CASP6: variants seen among roughly 807,000 people sequenced by gnomAD.
CASP6 encodes the protein caspase 6, also known as caspase-6.
In CASP6, 20 loss-of-function variants were observed where a neutral mutation model predicts 31.8. That is an observed-to-expected ratio of 0.63 (90% CI 0.44 to 0.91). The LOEUF (loss-of-function observed/expected upper bound fraction) is 0.91. Ranked by LOEUF, CASP6 falls within the 40% of genes least tolerant of loss-of-function variation. The pLI, the probability that CASP6 is intolerant of heterozygous loss-of-function variation, is 0.00. For synonymous variants in CASP6, 130 were observed against 127.8 expected (o/e 1.02, Z -0.12); for missense variants, 328 against 361.1 (o/e 0.91, Z 0.74).
upstream of CASP6, among the ~76,000 whole-genome samples, chr4:109,706,130 T>TA (rs57933332): frequency 0.18 from 2,975 of 16,698 alleles, 350 homozygotes; most frequent in African/African-American, 0.36. Context: ...ACCTATCCAT[T>TA]TTATATATAT....
the CASP6 span, among the ~76,000 whole-genome samples, chr4:109,678,674 G>T: frequency 2.7e-5 from 4 of 148,312 alleles, no homozygotes; most frequent in African/African-American, 1.0e-4. Context: ...AGATGGGGCG[G>T]CCAGGCAGAG....
chr4:109,678,097 T>G, the CASP6 span, among the ~76,000 whole-genome samples: 797 of 152,080 alleles, frequency 5.2e-3, 3 homozygotes, highest in African/African-American at 0.018. Flanking sequence ...AACCCTGAGT[T>G]GACACAGCAC....
chr4:109,674,317 C>T, the CASP6 span, among the ~76,000 whole-genome samples: 4 of 152,178 alleles, frequency 2.6e-5, no homozygotes, highest in East Asian at 1.9e-4. Context: ...TTACTAACTC[C>T]GTCATTCAAG....
At chr4:109,684,615 T>C, downstream of CASP6, 2 of 1,570,280 alleles carry the variant, frequency 1.3e-6, no homozygotes, top group Non-Finnish European at 8.8e-7. Context: ...AATTCTATGG[T>C]CTTTTTTGCA....
downstream of CASP6, chr4:109,688,566 A>T (rs1253616071): frequency 2.6e-5 from 4 of 152,236 alleles, no homozygotes; most frequent in Non-Finnish European, 5.9e-5. Context: ...ATGACCGAGT[A>T]AAAAACATCT....
intron 1 of CASP6, among the ~76,000 whole-genome samples, chr4:109,701,428 C>T (rs1730417514): frequency 6.6e-6 from 1 of 151,222 alleles, no homozygotes. Context: ...TTCTTGACCT[C>T]TTTTCACTTT....
chr4:109,678,025 G>C, the CASP6 span, among the ~76,000 whole-genome samples: 111 of 151,946 alleles, frequency 7.3e-4, no homozygotes, highest in Middle Eastern at 0.014. Flanking sequence ...GACTCTTAAC[G>C]AGTATGCTGC....
the CASP6 span, among the ~76,000 whole-genome samples, chr4:109,681,193 G>T: frequency 6.6e-6 from 1 of 152,178 alleles, no homozygotes; most frequent in Non-Finnish European, 1.5e-5. Flanking sequence ...TCTCAAAGAG[G>T]TGGCTCTGAA....
At chr4:109,705,416 G>A (rs537806833), upstream of CASP6, among the ~76,000 whole-genome samples, 4 of 152,256 alleles carry the variant, frequency 2.6e-5, no homozygotes, top group South Asian at 2.1e-4. Flanking sequence ...TGCTGTTATC[G>A]TGCTTGCTAA....
At chr4:109,686,852 G>A (rs1026833844), downstream of CASP6, among the ~76,000 whole-genome samples, 2 of 151,962 alleles carry the variant, frequency 1.3e-5, no homozygotes, top group African/African-American at 4.8e-5. Flanking sequence ...ACTCCAGCCT[G>A]GGCAACAGAG....
At position 109,689,473 on chromosome 4, in the gene CASP6, C is replaced by T. The variant is rs1199030270; in HGVS notation, c.739G>A (p.Glu247Lys). ...TTCCTGTTCACCAGTGTGAGGAGTT[C>T]TGTGAACTCTAAGGAGGAGCCATAT... The part of the protein sequence containing the change: ...GKYGSSLEFT[E>K]LLTLVNRKVS... The change falls in exon 7 of 7, where the codon GAA becomes AAA. Residue 247 changes from glutamate (E) to lysine (K), a missense_variant. Coordinates refer to ENST00000265164, the MANE Select transcript of CASP6 (RefSeq NM_001226.4). 1.2e-6 allele frequency: 2 copies of T among 1,614,072 alleles called. No individual in the cohort carries two copies. Among genetic ancestry groups the T allele is most frequent in the Middle Eastern group, 1.6e-4 (1 of 6,084 alleles).
the CASP6 span, among the ~76,000 whole-genome samples, chr4:109,667,514 A>AT: frequency 4.9e-4 from 73 of 148,028 alleles, no homozygotes; most frequent in African/African-American, 1.7e-3. Flanking sequence ...AATTTAATTG[A>AT]TTTTTTCCAA....
chr4:109,682,788 G>A, the CASP6 span: 1 of 1,418,364 alleles, frequency 7.1e-7, no homozygotes, highest in Non-Finnish European at 9.8e-7. Context: ...AATACCTAGT[G>A]TTTATTGAGT....
chr4:109,698,233 T>A (rs568030038), intron 2 of CASP6, 67 bp downstream of exon 2: 2 of 1,522,390 alleles, frequency 1.3e-6, no homozygotes, highest in African/African-American at 2.8e-5. Flanking sequence ...ATTCTTGCTT[T>A]GATTTCTGTA....
chr4:109,679,361 G>C, the CASP6 span, among the ~76,000 whole-genome samples: 1 of 152,236 alleles, frequency 6.6e-6, no homozygotes, highest in Non-Finnish European at 1.5e-5. Context: ...GGGCAACATT[G>C]AGCACTGAGT....
chr4:109,707,212 C>A (rs1484685509), upstream of CASP6, among the ~76,000 whole-genome samples: 1 of 152,176 alleles, frequency 6.6e-6, no homozygotes, highest in Non-Finnish European at 1.5e-5. Flanking sequence ...TATTGGTGGT[C>A]TGGAACCAAA....
At chr4:109,689,726 T>C (rs1354513775) in intron 6 of CASP6, among the ~76,000 whole-genome samples, 158 bp from the exon 7 acceptor site, 2 of 152,190 alleles carry the variant, frequency 1.3e-5, no homozygotes, top group African/African-American at 4.8e-5. Flanking sequence ...TTGACTCTTT[T>C]CAAATGGGAA....
At chr4:109,685,523 T>C (rs1274249559), downstream of CASP6, among the ~76,000 whole-genome samples, 1 of 152,240 alleles carries the variant, frequency 6.6e-6, no homozygotes, top group Non-Finnish European at 1.5e-5. Context: ...ATATTTCATA[T>C]TAATTTCATA....
rs555331371 is a variant in CASP6, at chr4:109,701,778, C to T, written c.40+1578G>A. ...ATGCCTTAGATACCTTATCTCACAG[C>T]TCCACAGCTCAGGAACAGGGACAGA... is the stretch of plus-strand genomic sequence containing the variant. On this transcript the variant is annotated intron_variant, in intron 1 of 6. Transcript: ENST00000265164. 2.0e-5 allele frequency among the ~76,000 whole-genome samples: 3 copies of T among 152,318 alleles called. No individual in the cohort carries two copies. In the South Asian group the frequency reaches 6.2e-4, roughly 32 times the overall value.
Sources: gnomAD v4.1 joint callset for allele counts (sites outside exome capture counted in the v4.1 genomes callset) on GRCh38, gnomAD v4.1.1 for gene constraint, MANE v1.5 for transcripts, NCBI Gene and HGNC (gene_info 2026-07-23, HGNC 2026-07-21) for gene names.